The following KATNA1 variants were observed in gnomAD, a reference collection of about 807,000 sequenced individuals.
KATNA1 encodes the protein katanin catalytic subunit A1.
In KATNA1, 42 loss-of-function variants were observed where a neutral mutation model predicts 62.6. The observed-to-expected ratio is 0.67, with a 90% confidence interval of 0.52 to 0.87. The LOEUF is 0.87. Among genes scored for constraint, KATNA1 ranks in the 40% least tolerant of loss-of-function variants. KATNA1 has a pLI of 0.00. For missense variants in KATNA1, 498 were observed against 612.5 expected (o/e 0.81, Z 1.97); for synonymous variants, 186 against 201.9 (o/e 0.92, Z 0.67).
At chr6:149,600,348 A>G (rs1489206276) in intron 7 of KATNA1, among the ~76,000 whole-genome samples, 1 of 151,968 alleles carries the variant, frequency 6.6e-6, no homozygotes, top group Non-Finnish European at 1.5e-5. Flanking sequence ...AAAAATCAAA[A>G]AAGGCCAGGC....
intron 7 of KATNA1, among the ~76,000 whole-genome samples, chr6:149,599,028 C>T (rs1380499087): frequency 1.3e-5 from 2 of 151,844 alleles, no homozygotes; most frequent in Non-Finnish European, 2.9e-5. Flanking sequence ...CCACACCAGG[C>T]TTATTTTTAT....
At chr6:149,634,275 A>AAAAATAAAATAAAAT (rs377557364) in intron 2 of KATNA1, among the ~76,000 whole-genome samples, 18,580 of 133,822 alleles carry the variant, frequency 0.14, 1,629 homozygotes, top group Middle Eastern at 0.18. Flanking sequence ...TCCATCTCAA[A>AAAAATAAAATAAAAT]AAAATAAAAT....
intron 1 of KATNA1, among the ~76,000 whole-genome samples, chr6:149,640,303 A>T (rs754094444): frequency 5.3e-5 from 8 of 152,078 alleles, no homozygotes; most frequent in Non-Finnish European, 8.8e-5. Flanking sequence ...CAAAAAATAC[A>T]AAAATTAGCA....
chr6:149,629,740 T>G (rs1779760965), intron 3 of KATNA1, among the ~76,000 whole-genome samples: 1 of 152,088 alleles, frequency 6.6e-6, no homozygotes, highest in Non-Finnish European at 1.5e-5. Flanking sequence ...GAAAAAACAT[T>G]AAGAGCATGG....
chr6:149,645,621 T>C (rs902248626), intron 1 of KATNA1, among the ~76,000 whole-genome samples: 2 of 152,168 alleles, frequency 1.3e-5, no homozygotes, highest in Admixed American at 6.5e-5. Flanking sequence ...AGGATAACCA[T>C]ACACTATGCC....
intron 4 of KATNA1, 65 bp downstream of exon 4, chr6:149,623,038 T>G (rs2115122702): frequency 8.2e-7 from 1 of 1,214,556 alleles, no homozygotes; most frequent in East Asian, 2.5e-5. Flanking sequence ...ATAAATAAAT[T>G]TGTACAGTCT....
chr6:149,637,238 C>T (rs533231512), intron 2 of KATNA1, among the ~76,000 whole-genome samples: 4 of 151,748 alleles, frequency 2.6e-5, no homozygotes, highest in African/African-American at 9.7e-5. Flanking sequence ...ATAGGGAGAT[C>T]CCATCTCTAC....
At chr6:149,646,798 A>C (rs1448160335) in intron 1 of KATNA1, among the ~76,000 whole-genome samples, 1 of 152,240 alleles carries the variant, frequency 6.6e-6, no homozygotes, top group Non-Finnish European at 1.5e-5. Context: ...TTCAAGCCCT[A>C]TCGATAAACG....
intron 1 of KATNA1, among the ~76,000 whole-genome samples, chr6:149,647,514 TC>T (rs1196269592): frequency 2.3e-5 from 2 of 86,020 alleles, no homozygotes; most frequent in East Asian, 8.1e-4. Flanking sequence ...AGAGCAAGAC[TC>T]CGTCTCAAAA....
At chr6:149,638,276 C>T (rs1780143404) in intron 2 of KATNA1, 110 bp downstream of exon 2, 11 of 1,030,216 alleles carry the variant, frequency 1.1e-5, no homozygotes, top group South Asian at 9.1e-5. Flanking sequence ...GTACTGTGCT[C>T]GGTAGTCATA....
At chr6:149,622,000 G>A (rs951787188) in intron 4 of KATNA1, among the ~76,000 whole-genome samples, 4 of 152,108 alleles carry the variant, frequency 2.6e-5, no homozygotes, top group Non-Finnish European at 5.9e-5. Context: ...CTGACCTAGC[G>A]GGGACAGAAG....
At chr6:149,630,859 C>T (rs1419205589) in intron 3 of KATNA1, among the ~76,000 whole-genome samples, 1 of 152,096 alleles carries the variant, frequency 6.6e-6, no homozygotes, top group African/African-American at 2.4e-5. Context: ...AGGACTGCTA[C>T]AGCAGAGAGT....
In KATNA1 at chr6:149,625,546, C is replaced by T. The variant is rs189857609; in HGVS notation, c.321-2263G>A. Reference sequence around the variant, plus strand: ...TCAGGAGGCTGAGGCAAAAGAATCACTTGAACCCAGGAGGCAGAGGTTGCA... The same window carrying T: ...TCAGGAGGCTGAGGCAAAAGAATCATTTGAACCCAGGAGGCAGAGGTTGCA... On this transcript the variant is annotated intron_variant, in intron 3 of 10. Coordinates refer to ENST00000367411, the MANE Select transcript of KATNA1 (RefSeq NM_007044.4). Among the ~76,000 whole-genome samples the T allele has an allele frequency of 2.8e-4, 43 of 152,278 alleles. 2 individuals are homozygous for T. Among genetic ancestry groups the T allele is most frequent in the Admixed American group, 2.8e-3 (43 of 15,304 alleles).
chr6:149,628,500 G>C (rs1447071603), intron 3 of KATNA1, among the ~76,000 whole-genome samples: 2 of 151,952 alleles, frequency 1.3e-5, no homozygotes, highest in African/African-American at 4.8e-5. Flanking sequence ...CTGATCATAA[G>C]GTTAGGATCA....
At chr6:149,647,521 C>CA (rs10719474) in intron 1 of KATNA1, among the ~76,000 whole-genome samples, 3,158 of 46,810 alleles carry the variant, frequency 0.067, 418 homozygotes, top group Non-Finnish European at 0.088. Flanking sequence ...GACTCCGTCT[C>CA]AAAAAAAAAA....
chr6:149,630,711 A>G (rs1779796529), intron 3 of KATNA1, among the ~76,000 whole-genome samples: 1 of 152,198 alleles, frequency 6.6e-6, no homozygotes, highest in African/African-American at 2.4e-5. Context: ...ACATGATGGT[A>G]TGGGTCTTCT....
intron 2 of KATNA1, among the ~76,000 whole-genome samples, chr6:149,633,591 G>A (rs1779940450): frequency 6.6e-6 from 1 of 151,486 alleles, no homozygotes; most frequent in Non-Finnish European, 1.5e-5. Context: ...AAGTTAGCCA[G>A]GCATGGGGGC....
chr6:149,614,797 A>G (rs1382793145), intron 4 of KATNA1, among the ~76,000 whole-genome samples: 1 of 152,202 alleles, frequency 6.6e-6, no homozygotes, highest in Admixed American at 6.6e-5. Context: ...ATACAAATAT[A>G]CACAAAAGAA....
Position 149,594,893 on chromosome 6 carries a change from C to T in KATNA1, c.*143G>A, listed in dbSNP as rs1170860481. 1.7e-6 allele frequency: 1 copy of T among 595,784 alleles called. No homozygotes were observed. The highest frequency in any genetic ancestry group is 1.9e-5 in the African/African-American group (1 of 52,190). The allele number at this position is 595,784 out of a possible 1,614,324, so 36.9% of individuals were successfully genotyped here. ...ACAAATTTTCAGCTTAAAAATATTG[C>T]CTTTATTCAGAATCATAAGGGTTTT... On this transcript the variant is annotated 3_prime_UTR_variant, in exon 11 of 11. Coordinates refer to ENST00000367411, the MANE Select transcript of KATNA1 (RefSeq NM_007044.4).
Sources: gnomAD v4.1 joint callset for allele counts (sites outside exome capture counted in the v4.1 genomes callset) on GRCh38, gnomAD v4.1.1 for gene constraint, MANE v1.5 for transcripts, NCBI Gene and HGNC (gene_info 2026-07-23, HGNC 2026-07-21) for gene names.